FOCAD: variants seen among roughly 807,000 people sequenced by gnomAD.
The protein encoded by FOCAD is KIAA1797.
Under a neutral mutation model 225.6 loss-of-function variants are expected in FOCAD, and 198 were observed. The observed-to-expected ratio is 0.88, with a 90% CI of 0.78 to 0.99. The LOEUF (loss-of-function observed/expected upper bound fraction) is 0.99. Ranked by LOEUF, FOCAD falls within the 50% of genes least tolerant of loss-of-function variation. FOCAD has a pLI of 0.00. For missense variants in FOCAD, 2,713 were observed against 2,123.6 expected (o/e 1.28, Z -5.46); for synonymous variants, 897 against 755.0 (o/e 1.19, Z -3.08).
chr9:20,718,933 G>T (rs1825559674), intron 3 of FOCAD, among the ~76,000 whole-genome samples: 1 of 152,164 alleles, frequency 6.6e-6, no homozygotes, highest in Non-Finnish European at 1.5e-5. Flanking sequence ...TGAACACAAT[G>T]TCCTTATGAA....
intron 2 of FOCAD, among the ~76,000 whole-genome samples, chr9:20,715,625 A>G (rs1017516417): frequency 2.0e-5 from 3 of 152,120 alleles, no homozygotes; most frequent in Admixed American, 6.5e-5. Flanking sequence ...CTGTTTATAT[A>G]TCATACTTTT....
chr9:20,921,386 G>C (rs1421438992), intron 24 of FOCAD, among the ~76,000 whole-genome samples: 2 of 152,146 alleles, frequency 1.3e-5, no homozygotes, highest in Non-Finnish European at 2.9e-5. Context: ...ATGTTATTAT[G>C]CAAATTAGTC....
intron 30 of FOCAD, 93 bp from the exon 31 acceptor site, chr9:20,948,178 C>G: frequency 8.6e-7 from 1 of 1,160,078 alleles, no homozygotes; most frequent in Non-Finnish European, 1.2e-6. Context: ...GGAAAGTTAG[C>G]ACTAAAAGTG....
chr9:20,659,731 C>T (rs958974732), intron 2 of FOCAD, among the ~76,000 whole-genome samples: 1 of 152,206 alleles, frequency 6.6e-6, no homozygotes, highest in Non-Finnish European at 1.5e-5. Flanking sequence ...TAGTAATAGT[C>T]ATTGAAAGAT....
chr9:20,966,037 T>C (rs1244808271), intron 35 of FOCAD, among the ~76,000 whole-genome samples: 3 of 152,140 alleles, frequency 2.0e-5, no homozygotes, highest in African/African-American at 7.2e-5. Context: ...ATTCTCTTGG[T>C]GTATATATAT....
At chr9:20,763,279 G>T (rs181858046) in intron 6 of FOCAD, among the ~76,000 whole-genome samples, 1 of 152,236 alleles carries the variant, frequency 6.6e-6, no homozygotes, top group East Asian at 1.9e-4. Flanking sequence ...GGCCTCATTT[G>T]GTTTATAGTC....
At chr9:20,795,480 A>G (rs1025196812) in intron 11 of FOCAD, among the ~76,000 whole-genome samples, 6 of 152,158 alleles carry the variant, frequency 3.9e-5, no homozygotes, top group Non-Finnish European at 7.4e-5. Flanking sequence ...TAGATAAATA[A>G]TTAAGAAGAC....
intron 4 of FOCAD, among the ~76,000 whole-genome samples, chr9:20,736,567 T>G (rs932306383): frequency 8.5e-5 from 13 of 152,198 alleles, no homozygotes; most frequent in African/African-American, 2.7e-4. Context: ...GAGTTTGTAG[T>G]TAGTTTTAGG....
At chr9:20,860,840 A>G (rs1033309022) in intron 15 of FOCAD, among the ~76,000 whole-genome samples, 1 of 152,148 alleles carries the variant, frequency 6.6e-6, no homozygotes, top group Non-Finnish European at 1.5e-5. Context: ...TAGCTTTTAA[A>G]TTGTTTTGTA....
intron 11 of FOCAD, among the ~76,000 whole-genome samples, chr9:20,808,831 A>T (rs1476653052): frequency 6.6e-6 from 1 of 152,228 alleles, no homozygotes; most frequent in Non-Finnish European, 1.5e-5. Context: ...TCCTTTGGAC[A>T]TTTAACATCC....
At chr9:20,903,201 C>G (rs184480124) in intron 21 of FOCAD, among the ~76,000 whole-genome samples, 1 of 151,862 alleles carries the variant, frequency 6.6e-6, no homozygotes, top group Non-Finnish European at 1.5e-5. Flanking sequence ...ACTTCAGGCT[C>G]CTAGCCTCAT....
chr9:20,936,898 A>G (rs371651195), intron 28 of FOCAD, among the ~76,000 whole-genome samples: 38 of 152,230 alleles, frequency 2.5e-4, no homozygotes, highest in Non-Finnish European at 4.1e-4. Flanking sequence ...TACAAAATCA[A>G]TGTGCAAAAA....
rs143009945 is a variant in FOCAD, at chr9:20,720,435, G to C, written c.188G>C (p.Arg63Pro). The C allele has an allele frequency of 4.3e-6, 7 of 1,614,042 alleles. No individual in the cohort carries two copies. The highest frequency in any genetic ancestry group is 5.1e-6 in the Non-Finnish European group (6 of 1,179,976). ...EKCCSDNVVVRTACCEGLVAL... is the reference protein window; with the variant it reads ...EKCCSDNVVVPTACCEGLVAL... ...TGTTGCAGTGACAATGTAGTGGTTCGAACAGCCTGCTGTGAAGGTCTGGTG... is the reference window on the plus strand; with the variant it reads ...TGTTGCAGTGACAATGTAGTGGTTCCAACAGCCTGCTGTGAAGGTCTGGTG... Residue 63 changes from arginine to proline, a missense_variant, in exon 4 of 44, where the codon CGA (arginine) becomes CCA (proline). Coordinates refer to ENST00000338382, the MANE Select transcript of FOCAD (RefSeq NM_001375567.1).
intron 10 of FOCAD, among the ~76,000 whole-genome samples, chr9:20,788,481 C>T (rs1201972808): frequency 6.6e-6 from 1 of 152,082 alleles, no homozygotes; most frequent in African/African-American, 2.4e-5. Context: ...CTTAATAAAG[C>T]TGTTATTTAA....
At chr9:20,756,640 C>A (rs761018159) in intron 5 of FOCAD, among the ~76,000 whole-genome samples, 9 of 152,170 alleles carry the variant, frequency 5.9e-5, no homozygotes, top group Non-Finnish European at 1.3e-4. Context: ...TATAGCAGTG[C>A]ATCAGAATTT....
chr9:20,839,257 T>C (rs954786989), intron 15 of FOCAD, among the ~76,000 whole-genome samples: 2 of 138,666 alleles, frequency 1.4e-5, no homozygotes, highest in African/African-American at 5.5e-5. Flanking sequence ...ATTTCTTTCT[T>C]TCTTTTTTTT....
chr9:20,818,638 TG>T (rs1286612146), intron 11 of FOCAD, among the ~76,000 whole-genome samples: 1 of 152,110 alleles, frequency 6.6e-6, no homozygotes, highest in Non-Finnish European at 1.5e-5. Flanking sequence ...CTTTCCTTAT[TG>T]TTTTTTTCTG....
chr9:20,695,260 A>G (rs781513844), intron 1 of FOCAD, among the ~76,000 whole-genome samples: 10 of 152,146 alleles, frequency 6.6e-5, no homozygotes, highest in Non-Finnish European at 1.5e-4. Context: ...ACCCATGAGG[A>G]TACAATGTGT....
intron 2 of FOCAD, among the ~76,000 whole-genome samples, chr9:20,659,227 C>A: frequency 7.1e-6 from 1 of 140,268 alleles, no homozygotes; most frequent in East Asian, 2.3e-4. Context: ...TCCCCTCCCC[C>A]CGCCCCACAC....
Sources: allele counts gnomAD v4.1 joint callset (sites outside exome capture counted in the v4.1 genomes callset), GRCh38; gene constraint gnomAD v4.1.1; transcripts MANE v1.5; gene names NCBI Gene and HGNC (gene_info 2026-07-23, HGNC 2026-07-21).